The following ANGPT4 variants were observed in gnomAD, a reference collection of about 807,000 sequenced individuals.
ANGPT4 encodes the protein angiopoietin 4, also known as angiopoietin-4.
Under a neutral mutation model 53.0 loss-of-function variants are expected in ANGPT4, and 50 were observed. That is an observed-to-expected ratio of 0.94 (90% CI 0.75 to 1.20). ANGPT4 has a LOEUF of 1.20. ANGPT4 is among the 50% of genes most tolerant of loss of function. The pLI is 0.00. For missense variants in ANGPT4, 648 were observed against 637.1 expected (o/e 1.02, Z -0.18); for synonymous variants, 251 against 259.7 (o/e 0.97, Z 0.32).
At chr20:888,041 C>A (rs1276672190) in intron 3 of ANGPT4, among the ~76,000 whole-genome samples, 1 of 152,066 alleles carries the variant, frequency 6.6e-6, no homozygotes. Context: ...TCATTTCCAG[C>A]CTCAGTCTAG....
At chr20:891,335 A>G (rs1168845532) in intron 1 of ANGPT4, among the ~76,000 whole-genome samples, 5 of 152,212 alleles carry the variant, frequency 3.3e-5, no homozygotes, top group Non-Finnish European at 5.9e-5. Context: ...CCAGTCTCCA[A>G]GGGTTCTCCC....
intron 1 of ANGPT4, among the ~76,000 whole-genome samples, chr20:912,792 G>C (rs1982757339): frequency 6.6e-6 from 1 of 151,470 alleles, no homozygotes; most frequent in South Asian, 2.1e-4. Context: ...TGCGTATCTG[G>C]GGACTTGGAA....
At chr20:875,881 G>A (rs376222491) in intron 7 of ANGPT4, among the ~76,000 whole-genome samples, 215 of 152,262 alleles carry the variant, frequency 1.4e-3, no homozygotes, top group African/African-American at 4.5e-3. Flanking sequence ...TGTAATCCCC[G>A]CACTTTGGGA....
At chr20:879,601 C>G in intron 6 of ANGPT4, 146 bp downstream of exon 6, 1 of 447,656 alleles carries the variant, frequency 2.2e-6, no homozygotes, top group Non-Finnish European at 3.8e-6. Flanking sequence ...GTGATGGGGT[C>G]CCATAAAGCA....
At chr20:903,925 T>C (rs1982381577) in intron 1 of ANGPT4, among the ~76,000 whole-genome samples, 2 of 152,060 alleles carry the variant, frequency 1.3e-5, no homozygotes, top group Non-Finnish European at 2.9e-5. Context: ...TCAGCTCCCA[T>C]CCCCTCCATT....
intron 1 of ANGPT4, among the ~76,000 whole-genome samples, chr20:904,321 AC>A (rs1432368956): frequency 6.6e-6 from 1 of 151,824 alleles, no homozygotes; most frequent in African/African-American, 2.4e-5. Context: ...GGCTACAAAA[AC>A]CTCAGCTTGC....
At chr20:876,003 G>A (rs1035302128) in intron 7 of ANGPT4, among the ~76,000 whole-genome samples, 1 of 152,018 alleles carries the variant, frequency 6.6e-6, no homozygotes, top group African/African-American at 2.4e-5. Flanking sequence ...GGTGGTGCAT[G>A]CCTGTAATTC....
rs1284987260 is a variant in ANGPT4, at chr20:872,833, G to T, written c.*127C>A. On this transcript the variant is annotated 3_prime_UTR_variant, in exon 9 of 9. Transcript: ENST00000381922. Reference sequence around the variant, plus strand: ...CTTCTGGACTTCTGGGTCAAGGAGGGCTGGCTCAGGAAGCCCAGGGTGTCA... The same window carrying T: ...CTTCTGGACTTCTGGGTCAAGGAGGTCTGGCTCAGGAAGCCCAGGGTGTCA... The T allele has an allele frequency of 8.9e-6, 11 of 1,236,256 alleles. No individual in the cohort carries two copies. In the Middle Eastern group the frequency reaches 1.3e-3, roughly 142 times the overall value. The allele number at this position is 1,236,256 out of a possible 1,614,324, so 76.6% of individuals were successfully genotyped here. A position where few individuals can be genotyped will look rare whatever the true frequency, so the allele number is the denominator to read the frequency against.
In ANGPT4 at chr20:890,108, G is replaced by T. The variant is rs1233127539; in HGVS notation, c.465+105C>A. 7 of 1,390,582 alleles carry T rather than the reference G, an allele frequency of 5.0e-6. No individual in the cohort carries two copies. The African/African-American group carries it at 5.7e-5, about 11-fold the overall frequency. 86.1% of individuals were successfully genotyped at this position (1,390,582 alleles called of 1,614,324 possible). A position where few individuals can be genotyped will look rare whatever the true frequency, so the allele number is the denominator to read the frequency against. ...CCGGGGGGCTACAGGCCCAGAGGAG[G>T]CCTTGACCCTACTCAGGGTCAGAGA... On this transcript the variant is annotated intron_variant, in intron 2 of 8. Transcript: ENST00000381922.
chr20:872,711 G>A lies in ANGPT4; in HGVS notation c.*249C>T, dbSNP rs989290037. 11 of 507,752 alleles carry A rather than the reference G, an allele frequency of 2.2e-5. No individual in the cohort carries two copies. The highest frequency in any genetic ancestry group is 3.4e-5 in the Admixed American group (1 of 29,696). 31.5% of individuals were successfully genotyped at this position (507,752 alleles called of 1,614,324 possible). The stretch of plus-strand genomic sequence containing the variant: ...GACCCTCAGGCAGGGAGCCCCTGAA[G>A]GGGGAGGGAGAGAAGAGGGGCGAGG... On this transcript the variant is annotated 3_prime_UTR_variant, in exon 9 of 9. Transcript: ENST00000381922.
intron 3 of ANGPT4, among the ~76,000 whole-genome samples, chr20:886,119 A>AT (rs924768806): frequency 5.3e-5 from 8 of 150,230 alleles, no homozygotes; most frequent in African/African-American, 9.9e-5. Flanking sequence ...ATCAAGAGAC[A>AT]TTTTTTGTAA....
rs1302524749 is a variant in ANGPT4, at chr20:911,099, C to T, written c.309+4807G>A. On this transcript the variant is annotated intron_variant, in intron 1 of 8. Transcript: ENST00000381922. The surrounding 1 kb of genome is among the most constrained non-coding windows in gnomAD (Gnocchi z 4.9). The stretch of plus-strand genomic sequence containing the variant: ...AGAATTTGTGGGCAGCCTGGGAAGG[C>T]TGGGGCAACTGGAACCCTGACTCCC... 6.6e-6 allele frequency among the ~76,000 whole-genome samples: 1 copy of T among 152,136 alleles called. No individual in the cohort carries two copies. Among genetic ancestry groups the T allele is most frequent in the Non-Finnish European group, 1.5e-5 (1 of 68,020 alleles).
At chr20:913,761 G>C (rs946085021) in intron 1 of ANGPT4, among the ~76,000 whole-genome samples, 24 of 152,250 alleles carry the variant, frequency 1.6e-4, no homozygotes, top group African/African-American at 5.3e-4. Flanking sequence ...CAGAAAGATG[G>C]ACCATGAGAG....
intron 1 of ANGPT4, among the ~76,000 whole-genome samples, chr20:896,146 C>A (rs1256247048): frequency 6.6e-6 from 1 of 152,166 alleles, no homozygotes; most frequent in Non-Finnish European, 1.5e-5. Context: ...CAGTGAACCC[C>A]CTCACCCTCT....
chr20:899,117 T>G (rs1982173986), intron 1 of ANGPT4, among the ~76,000 whole-genome samples: 1 of 152,122 alleles, frequency 6.6e-6, no homozygotes, highest in Non-Finnish European at 1.5e-5. Flanking sequence ...TTTTAATCAA[T>G]ACAGAGGCTA....
At chr20:915,300 T>C (rs1396415256) in intron 1 of ANGPT4, among the ~76,000 whole-genome samples, 2 of 151,094 alleles carry the variant, frequency 1.3e-5, no homozygotes, top group Non-Finnish European at 2.9e-5. Flanking sequence ...TCTCCTCTGC[T>C]CCAGCTACAC....
intron 1 of ANGPT4, among the ~76,000 whole-genome samples, chr20:902,925 G>A (rs527356909): frequency 4.6e-5 from 7 of 152,192 alleles, no homozygotes; most frequent in Non-Finnish European, 8.8e-5. Flanking sequence ...AATTATAGAT[G>A]GGCAAATGGA....
Position 879,831 on chromosome 20 carries a change from C to T in ANGPT4, c.969G>A (p.Gln323=). The T allele has an allele frequency of 5.0e-6, 8 of 1,612,862 alleles. No homozygotes were observed. Among genetic ancestry groups the T allele is most frequent in the Non-Finnish European group, 6.8e-6 (8 of 1,179,372 alleles). The change falls in exon 6 of 9, where the codon CAG becomes CAA. Residue 323 remains glutamine (Q), a synonymous_variant. Coordinates refer to ENST00000381922, the MANE Select transcript of ANGPT4 (RefSeq NM_015985.4). ...TKPRKVFCDL[Q]SSGGRWTLIQ... is the part of the protein sequence containing the mutation. ...TGAGGGTCCACCTGCCTCCACTGCT[C>T]TGCAGGTCACAGAACACCTGGAGGG...
intron 1 of ANGPT4, among the ~76,000 whole-genome samples, chr20:891,480 C>T (rs4816050): frequency 0.48 from 72,972 of 152,144 alleles, 19,805 homozygotes; most frequent in African/African-American, 0.73. Context: ...GTTCTCAGGG[C>T]TCGGTGCCTG....
Sources: gnomAD v4.1 joint callset for allele counts (sites outside exome capture counted in the v4.1 genomes callset) on GRCh38, gnomAD v4.1.1 for gene constraint, Gnocchi (gnomAD v3.1) non-coding constraint, MANE v1.5 for transcripts, NCBI Gene and HGNC (gene_info 2026-07-23, HGNC 2026-07-21) for gene names.